Variants in PSMC1 observed in about 807,000 individuals in gnomAD.
PSMC1 encodes the protein proteasome 26S subunit, ATPase 1, also known as 26S proteasome regulatory subunit 4.
Under a neutral mutation model 49.8 loss-of-function variants are expected in PSMC1, and 5 were observed. The ratio of observed to expected loss-of-function variants is 0.10; its 90% CI spans 0.05 to 0.21. The LOEUF (loss-of-function observed/expected upper bound fraction) is 0.21, where lower values mean the gene tolerates loss of function less well. Among genes scored for constraint, PSMC1 ranks in the 10% least tolerant of loss-of-function variants. PSMC1 has a pLI of 1.00. For missense variants in PSMC1, 181 were observed against 535.7 expected (o/e 0.34, Z 6.54); for synonymous variants, 155 against 192.1 (o/e 0.81, Z 1.60).
chr14:90,257,524 T>C (rs1411921105), intron 1 of PSMC1, among the ~76,000 whole-genome samples: 1 of 152,172 alleles, frequency 6.6e-6, no homozygotes, highest in African/African-American at 2.4e-5. Context: ...ATACAGCAAG[T>C]GCAAAGGACC....
At chr14:90,268,939 T>C (rs1468459661) in intron 8 of PSMC1, 2 of 160,670 alleles carry the variant, frequency 1.2e-5, no homozygotes, top group Non-Finnish European at 2.7e-5. Context: ...GGCACTGGCA[T>C]TGATGTCTAG....
At position 90,256,585 on chromosome 14, in the gene PSMC1, T is replaced by C. The variant is rs1339100770; in HGVS notation, c.-13T>C. 6.3e-7 allele frequency: 1 copy of C among 1,587,918 alleles called. No individual in the cohort carries two copies. Among genetic ancestry groups the C allele is most frequent in the African/African-American group, 1.3e-5 (1 of 74,704 alleles). ...GAACTTCCGGCAGCGGCAGCTCAAG[T>C]GGCCAAGGCAAGATGGTGAGTGACT... is the stretch of plus-strand genomic sequence containing the variant. On this transcript the variant is annotated 5_prime_UTR_variant, in exon 1 of 11. Coordinates refer to ENST00000261303, the MANE Select transcript of PSMC1 (RefSeq NM_002802.3).
In PSMC1 at chr14:90,264,085, G is replaced by A; in HGVS notation, c.510G>A (p.Leu170=). Residue 170 remains leucine (L), a synonymous_variant, in exon 6 of 11, where the codon CTG becomes CTA. Coordinates refer to ENST00000261303, the MANE Select transcript of PSMC1 (RefSeq NM_002802.3). ...TGCTGATGGATGACACGGATCCCCT[G>A]GTCACAGTGATGAAGGTAGAAAAGG... ...IGVLMDDTDP[L]VTVMKVEKAP... 1 of 1,613,256 alleles carries A rather than the reference G, an allele frequency of 6.2e-7. No individual in the cohort carries two copies. The highest frequency in any genetic ancestry group is 1.3e-5 in the African/African-American group (1 of 74,936).
In PSMC1 at chr14:90,263,450, G is replaced by T. The variant is rs193920988; in HGVS notation, c.279+8G>T. The T allele has an allele frequency of 1.3e-6, 2 of 1,567,044 alleles. No individual in the cohort carries two copies. Among genetic ancestry groups the T allele is most frequent in the African/African-American group, 1.4e-5 (1 of 72,080 alleles). Reference sequence around the variant, plus strand: ...TTAGAAGAAAAGCAAGAGGTAAGTTGAAAAGTTACTATCATTTTCTTTTTT... The same window carrying T: ...TTAGAAGAAAAGCAAGAGGTAAGTTTAAAAGTTACTATCATTTTCTTTTTT... On this transcript the variant is annotated splice_region_variant and intron_variant, in intron 4 of 10. Transcript: ENST00000261303.
Position 90,273,398 on chromosome 14 carries a change from A to AAAT in PSMC1, c.*993_*995dup, listed in dbSNP as rs1010320639. 2.0e-5 allele frequency: 3 copies of AAAT among 151,896 alleles called. No individual in the cohort carries two copies. Among genetic ancestry groups the AAAT allele is most frequent in the African/African-American group, 4.8e-5 (2 of 41,390 alleles). The allele number at this position is 151,896 out of a possible 1,614,324, so 9.4% of individuals were successfully genotyped here. A position where few individuals can be genotyped will look rare whatever the true frequency, so the allele number is the denominator to read the frequency against. ...CATGGTGAAACCCCATCTTTACTAAAAATACAAAAATTAGCTGTGCGTGGT... is the reference window on the plus strand; with the variant it reads ...CATGGTGAAACCCCATCTTTACTAAAAATAATACAAAAATTAGCTGTGCGTGGT... On this transcript the variant is annotated 3_prime_UTR_variant, in exon 11 of 11. Coordinates refer to ENST00000261303, the MANE Select transcript of PSMC1 (RefSeq NM_002802.3).
At chr14:90,260,546 C>T (rs1172255137) in intron 3 of PSMC1, among the ~76,000 whole-genome samples, 1 of 152,138 alleles carries the variant, frequency 6.6e-6, no homozygotes, top group South Asian at 2.1e-4. Context: ...CCTGGCAAAA[C>T]ACGGTGAAAC....
At chr14:90,258,116 TG>T (rs1891331054) in intron 1 of PSMC1, among the ~76,000 whole-genome samples, 1 of 152,188 alleles carries the variant, frequency 6.6e-6, no homozygotes, top group African/African-American at 2.4e-5. Context: ...TCAGCAAACC[TG>T]AATGTGATTC....
intron 3 of PSMC1, among the ~76,000 whole-genome samples, chr14:90,262,706 C>T (rs1891424473): frequency 6.6e-6 from 1 of 151,982 alleles, no homozygotes; most frequent in African/African-American, 2.4e-5. Flanking sequence ...ATCGCTTGAA[C>T]CCAGGAGGCA....
rs1891771413 is a variant in PSMC1 at position 90,274,953 on chromosome 14, C to G, written c.*2546C>G. 6.6e-6 allele frequency: 1 copy of G among 152,008 alleles called. No individual in the cohort carries two copies. The highest frequency in any genetic ancestry group is 1.9e-4 in the East Asian group (1 of 5,180). The allele number at this position is 152,008 out of a possible 1,614,324, so 9.4% of individuals were successfully genotyped here. ...AAAGGGAAAGTCACACTGGAGATGC[C>G]CAGCAGACACCGTCTTCACCAAGTG... On this transcript the variant is annotated 3_prime_UTR_variant, in exon 11 of 11. Coordinates refer to ENST00000261303, the MANE Select transcript of PSMC1 (RefSeq NM_002802.3).
rs1491397403 is a variant in PSMC1, at chr14:90,274,838, A to ACACACACACACACACACCCC, written c.*2432_*2433insACACACACACACACACCCCC. 1 of 67,186 alleles carries ACACACACACACACACACCCC rather than the reference A, an allele frequency of 1.5e-5. No individual in the cohort carries two copies. The highest frequency in any genetic ancestry group is 3.2e-5 in the Non-Finnish European group (1 of 31,320). The allele number at this position is 67,186 out of a possible 1,614,324, so 4.2% of individuals were successfully genotyped here. A position where few individuals can be genotyped will look rare whatever the true frequency, so the allele number is the denominator to read the frequency against. ...CACACACACACACACACACACACAC[A>ACACACACACACACACACCCC]CCCCAATACATATGAATTGATCTGA... On this transcript the variant is annotated 3_prime_UTR_variant, in exon 11 of 11. Transcript: ENST00000261303.
At chr14:90,265,559 T>G (rs774320682) in intron 7 of PSMC1, among the ~76,000 whole-genome samples, 39 of 151,386 alleles carry the variant, frequency 2.6e-4, no homozygotes, top group Non-Finnish European at 5.6e-4. Flanking sequence ...TGTGGTGACG[T>G]GCGCCTGTAG....
At position 90,274,834 on chromosome 14, in the gene PSMC1, ACACACC is replaced by A. The variant is rs1482243319; in HGVS notation, c.*2429_*2434del. 3 of 54,358 alleles carry A rather than the reference ACACACC, an allele frequency of 5.5e-5. No homozygotes were observed. Among genetic ancestry groups the A allele is most frequent in the African/African-American group, 1.4e-4 (2 of 14,664 alleles). The allele number at this position is 54,358 out of a possible 1,614,324, so 3.4% of individuals were successfully genotyped here. A position where few individuals can be genotyped will look rare whatever the true frequency, so the allele number is the denominator to read the frequency against. ...CACACACACACACACACACACACACACACACCCCAATACATATGAATTGATCTGAAA... is the reference window on the plus strand; with the variant it reads ...CACACACACACACACACACACACACACCAATACATATGAATTGATCTGAAA... On this transcript the variant is annotated 3_prime_UTR_variant, in exon 11 of 11. Coordinates refer to ENST00000261303, the MANE Select transcript of PSMC1 (RefSeq NM_002802.3).
chr14:90,263,696 C>A lies in PSMC1; in HGVS notation c.314C>A (p.Thr105Asn), dbSNP rs1264313437. 1 of 1,613,338 alleles carries A rather than the reference C, an allele frequency of 6.2e-7. No individual in the cohort carries two copies. Among genetic ancestry groups the A allele is most frequent in the Non-Finnish European group, 8.5e-7 (1 of 1,179,652 alleles). The change falls in exon 5 of 11, where the codon ACC (threonine) becomes AAC (asparagine). Residue 105 changes from threonine (T) to asparagine (N), a missense_variant. Around this residue, in one of 3 missense-constraint regions of PSMC1, gnomAD observed 121 missense variants for 358.6 expected, o/e 0.34. Transcript: ENST00000261303. ...ERSKVDDLRG[T>N]PMSVGTLEEI... ...TCAAAAGTGGATGATCTGAGGGGGA[C>A]CCCGATGTCAGTAGGAACCTTGGAA...
At chr14:90,266,206 G>C (rs1891509193) in intron 7 of PSMC1, among the ~76,000 whole-genome samples, 1 of 151,568 alleles carries the variant, frequency 6.6e-6, no homozygotes, top group South Asian at 2.1e-4. Flanking sequence ...AGTGAGCTGA[G>C]ATCGTGCCAC....
chr14:90,260,277 C>A, intron 3 of PSMC1, 66 bp downstream of exon 3: 1 of 1,210,742 alleles, frequency 8.3e-7, no homozygotes, highest in Non-Finnish European at 1.2e-6. Context: ...GTGCATGTAG[C>A]TTAGAGTCTG....
At chr14:90,269,225 C>T (rs1891597681) in intron 8 of PSMC1, 172 bp from the exon 9 acceptor site, 3 of 606,790 alleles carry the variant, frequency 4.9e-6, no homozygotes, top group African/African-American at 3.7e-5. Context: ...ACATTCAGAC[C>T]ATGGCAAGGG....
rs769127117 is a variant in PSMC1 at position 90,272,314 on chromosome 14, T to C, written c.1230T>C (p.Arg410=). The change falls in exon 11 of 11, where the codon CGT becomes CGC. Residue 410 remains arginine (R), a synonymous_variant. Coordinates refer to ENST00000261303, the MANE Select transcript of PSMC1 (RefSeq NM_002802.3). The surrounding 1 kb of genome is among the most constrained non-coding windows in gnomAD (Gnocchi z 4.5). ...TEAGLMALRE[R]RMKVTNEDFK... ...CTGGTCTGATGGCCTTAAGAGAACG[T>C]AGAATGAAAGTAACAAATGAAGACT... is the stretch of plus-strand genomic sequence containing the variant. 2 of 1,603,452 alleles carry C rather than the reference T, an allele frequency of 1.2e-6. No homozygotes were observed. The highest frequency in any genetic ancestry group is 4.5e-5 in the East Asian group (2 of 44,828).
At chr14:90,263,179 G>A (rs549802586) in intron 3 of PSMC1, 139 bp from the exon 4 acceptor site, 11 of 817,144 alleles carry the variant, frequency 1.3e-5, no homozygotes, top group African/African-American at 3.6e-5. Flanking sequence ...TTTTGGCACC[G>A]GTTTACTTAG....
In PSMC1 at chr14:90,273,228, TTAATAC is replaced by T. The variant is rs1891714811; in HGVS notation, c.*824_*829del. On this transcript the variant is annotated 3_prime_UTR_variant, in exon 11 of 11. Transcript: ENST00000261303. ...ATGAGGAGTGTGTATTAGTTTTCTG[TTAATAC>T]TATAACAAGTTACCACAGGCTTTGT... The T allele has an allele frequency of 6.8e-6, 1 of 147,076 alleles. No individual in the cohort carries two copies. Among genetic ancestry groups the T allele is most frequent in the South Asian group, 2.1e-4 (1 of 4,766 alleles). The allele number at this position is 147,076 out of a possible 1,614,324, so 9.1% of individuals were successfully genotyped here. A position where few individuals can be genotyped will look rare whatever the true frequency, so the allele number is the denominator to read the frequency against.
Sources: allele counts gnomAD v4.1 joint callset (sites outside exome capture counted in the v4.1 genomes callset), GRCh38; gene constraint gnomAD v4.1.1; regional missense constraint gnomAD v4.1.1; non-coding constraint Gnocchi (gnomAD v3.1); transcripts MANE v1.5; gene names NCBI Gene and HGNC (gene_info 2026-07-23, HGNC 2026-07-21).